NBPF9: variants seen among roughly 807,000 people sequenced by gnomAD.
The protein encoded by NBPF9 is NBPF family member NBPF9.
A neutral mutation model predicts 97.8 loss-of-function variants in NBPF9; 91 were observed. The ratio of observed to expected loss-of-function variants is 0.93; its 90% CI spans 0.79 to 1.11. The LOEUF (loss-of-function observed/expected upper bound fraction) is 1.11, where lower values mean the gene tolerates loss of function less well. Among genes scored for constraint, NBPF9 ranks in the 50% least tolerant of loss-of-function variants. NBPF9 has a pLI of 0.00. For synonymous variants in NBPF9, 334 were observed against 359.5 expected (o/e 0.93, Z 0.80); for missense variants, 992 against 939.5 (o/e 1.06, Z -0.73).
At chr1:149,078,032 A>G in intron 9 of NBPF9, 77 bp from the exon 10 acceptor site, 1 of 1,437,208 alleles carries the variant, frequency 7.0e-7, no homozygotes. Flanking sequence ...GTGCACAGAG[A>G]CATGAACATC....
intron 3 of NBPF9, among the ~76,000 whole-genome samples, chr1:149,099,649 G>T (rs1553662782): frequency 6.6e-6 from 1 of 152,130 alleles, no homozygotes; most frequent in Non-Finnish European, 1.5e-5. Flanking sequence ...GCTGTTAAGA[G>T]ATTTTAGTAA....
At chr1:149,070,981 C>G (rs782742555) in exon 16 of NBPF9, 11 of 1,612,464 alleles carry the variant, frequency 6.8e-6, no homozygotes, top group Non-Finnish European at 9.3e-6. Flanking sequence ...AGAGGATGAG[C>G]CAATGAGAGT....
rs1368706790 is a variant in NBPF9 at position 149,071,155 on chromosome 1, G to T, written c.1380-16C>A. ...CTGCATCTCCCTGATGAGCCAGGTG[G>T]GACAGAGATGACAGAAGATTAAACA... On this transcript the variant is annotated splice_polypyrimidine_tract_variant and intron_variant, in intron 15 of 29. Coordinates refer to ENST00000584027, the Ensembl canonical transcript of NBPF9. 1 of 1,451,394 alleles carries T rather than the reference G, an allele frequency of 6.9e-7. No homozygotes were observed. The highest frequency in any genetic ancestry group is 9.6e-7 in the Non-Finnish European group (1 of 1,036,400). 89.9% of individuals were successfully genotyped at this position (1,451,394 alleles called of 1,614,324 possible).
At chr1:149,063,546 A>C (rs1575826888) in intron 20 of NBPF9, 87 bp downstream of exon 20, 1 of 700,332 alleles carries the variant, frequency 1.4e-6, no homozygotes, top group Non-Finnish European at 2.5e-6. Context: ...GACATCTCTC[A>C]GCTCAGTAAC....
intron 2 of NBPF9, among the ~76,000 whole-genome samples, chr1:149,101,665 T>C (rs1278036305): frequency 6.6e-6 from 1 of 150,416 alleles, no homozygotes; most frequent in Non-Finnish European, 1.5e-5. Flanking sequence ...GAAATCACAC[T>C]GATACATTAC....
chr1:149,063,559 C>T (rs1371701031), intron 20 of NBPF9, 74 bp downstream of exon 20: 4 of 677,978 alleles, frequency 5.9e-6, no homozygotes, highest in South Asian at 1.6e-5. Context: ...TCAGTAACGG[C>T]CACTTGCAGT....
At chr1:149,055,553 C>A (rs1553648549) in exon 30 of NBPF9, 1 of 1,567,242 alleles carries the variant, frequency 6.4e-7, no homozygotes, top group Non-Finnish European at 8.6e-7. Flanking sequence ...ACTGACCCAT[C>A]CTATGTCTGG....
chr1:149,061,144 A>G lies in NBPF9; in HGVS notation c.2303+188T>C, dbSNP rs1163736234. On this transcript the variant is annotated intron_variant, in intron 23 of 29. Transcript: ENST00000584027. ...CTGGTCCACCTACAGTAGGTTAGTAAATGATAAGGGGAGGAAGAAATGGAA... is the reference window on the plus strand; with the variant it reads ...CTGGTCCACCTACAGTAGGTTAGTAGATGATAAGGGGAGGAAGAAATGGAA... 2.2e-5 allele frequency: 8 copies of G among 369,000 alleles called. 1 individual carries two copies. Among genetic ancestry groups the G allele is most frequent in the Non-Finnish European group, 4.1e-5 (8 of 197,418 alleles). The allele number at this position is 369,000 out of a possible 1,614,324, so 22.9% of individuals were successfully genotyped here.
rs2080032306 is a variant in NBPF9 at position 149,077,821 on chromosome 1, G to A, written c.566+62C>T. ...GCCCACCATAGATGCCAGAGAGGGT[G>A]TGCCTCCTAGACATCTTCATATGTT... On this transcript the variant is annotated intron_variant, in intron 10 of 29. Coordinates refer to ENST00000584027, the Ensembl canonical transcript of NBPF9. 3.8e-6 allele frequency: 6 copies of A among 1,592,470 alleles called. No homozygotes were observed. The African/African-American group carries it at 6.7e-5, about 18-fold the overall frequency.
chr1:149,072,705 A>G lies in NBPF9; in HGVS notation c.1306+13T>C. 6.2e-7 allele frequency: 1 copy of G among 1,611,686 alleles called. No individual in the cohort carries two copies. Among genetic ancestry groups the G allele is most frequent in the Non-Finnish European group, 8.5e-7 (1 of 1,179,624 alleles). ...CTGGGGTTTTGGGTCAACAGGGCCT[A>G]TGGCCACCTTACCTGGGCTGAGCTT... On this transcript the variant is annotated intron_variant, in intron 14 of 29. Transcript: ENST00000584027.
chr1:149,061,159 A>T (rs2078572640), intron 23 of NBPF9, 173 bp downstream of exon 23: 1 of 355,814 alleles, frequency 2.8e-6, no homozygotes. Flanking sequence ...TAAGGGGAGG[A>T]AGAAATGGAA....
At chr1:149,056,418 T>C (rs2078248572) in intron 29 of NBPF9, 94 bp downstream of exon 29, 1 of 155,408 alleles carries the variant, frequency 6.4e-6, no homozygotes, top group South Asian at 5.3e-5. Flanking sequence ...CAGCCTTCGT[T>C]GAAAACATGA....
chr1:149,097,022 A>G (rs1553661813), intron 4 of NBPF9, among the ~76,000 whole-genome samples: 2 of 144,530 alleles, frequency 1.4e-5, no homozygotes. Context: ...GACAAAGAAA[A>G]AGAAAAGAAG....
exon 14 of NBPF9, chr1:149,072,920 G>T (rs782721437): frequency 1.2e-6 from 2 of 1,606,940 alleles, no homozygotes; most frequent in African/African-American, 1.3e-5. Context: ...CGTGAACCAG[G>T]ACTTTATATT....
At chr1:149,085,623 G>C (rs1334682173) in intron 5 of NBPF9, among the ~76,000 whole-genome samples, 2 of 151,876 alleles carry the variant, frequency 1.3e-5, no homozygotes, top group African/African-American at 4.8e-5. Flanking sequence ...ATTGCTTTTA[G>C]GGGCCTTGTA....
Position 149,079,261 on chromosome 1 carries a change from G to A in NBPF9, c.279-40C>T. On this transcript the variant is annotated intron_variant, in intron 8 of 29. Transcript: ENST00000584027. ...TAGAGAAAATTTAAGAGTAGAAAGGGTTGAGTGATCCGTTCAAATATTGCA... is the reference window on the plus strand; with the variant it reads ...TAGAGAAAATTTAAGAGTAGAAAGGATTGAGTGATCCGTTCAAATATTGCA... 6 of 1,085,078 alleles carry A rather than the reference G, an allele frequency of 5.5e-6. No homozygotes were observed. In the South Asian group the frequency reaches 7.6e-5, roughly 14 times the overall value. 67.2% of individuals were successfully genotyped at this position (1,085,078 alleles called of 1,614,324 possible).
chr1:149,088,559 G>T (rs1396002028), intron 5 of NBPF9, among the ~76,000 whole-genome samples: 1 of 152,106 alleles, frequency 6.6e-6, no homozygotes, highest in African/African-American at 2.4e-5. Context: ...TAATGGGGTT[G>T]GAAGTGTTGC....
intron 20 of NBPF9, 107 bp downstream of exon 20, chr1:149,063,526 C>G: frequency 4.3e-6 from 3 of 700,826 alleles, no homozygotes; most frequent in East Asian, 3.8e-5. Flanking sequence ...TAGGTCCTCC[C>G]TGTGGCAATG....
intron 17 of NBPF9, chr1:149,065,930 G>A (rs2079013853): frequency 8.2e-6 from 5 of 611,592 alleles, no homozygotes; most frequent in Admixed American, 2.9e-5. Context: ...CCAACTCAGG[G>A]CACCCAGACT....
Sources: allele counts gnomAD v4.1 joint callset (sites outside exome capture counted in the v4.1 genomes callset), GRCh38; gene constraint gnomAD v4.1.1; transcripts MANE v1.5; gene names NCBI Gene and HGNC (gene_info 2026-07-23, HGNC 2026-07-21).